RTL4: variants seen among roughly 807,000 people sequenced by gnomAD.
RTL4 encodes retrotransposon Gag like 4.
Under a neutral mutation model 5.3 loss-of-function variants are expected in RTL4, and 4 were observed. That is an observed-to-expected ratio of 0.75 (90% CI 0.37 to 1.72). The LOEUF is 1.72. Among genes scored for constraint, RTL4 ranks in the 40% most tolerant of loss-of-function variants. RTL4 has a pLI of 0.04. For synonymous variants in RTL4, 98 were observed against 87.3 expected (o/e 1.12, Z -0.68); for missense variants, 260 against 227.1 (o/e 1.14, Z -0.93).
At chrX:112,229,951 C>A in the RTL4 span, among the ~76,000 whole-genome samples, 1 of 112,467 alleles carries the variant, frequency 8.9e-6, no homozygotes, top group Non-Finnish European at 1.9e-5. Flanking sequence ...TGCGGGGTGC[C>A]TCCCAGTTAG....
chrX:112,331,389 C>CA, the RTL4 span, among the ~76,000 whole-genome samples: 2 of 106,106 alleles, frequency 1.9e-5, no homozygotes, highest in African/African-American at 6.8e-5. Flanking sequence ...TTTATGCAGC[C>CA]AAAAAACACA....
chrX:112,124,764 C>CCT, the RTL4 span, among the ~76,000 whole-genome samples: 2 of 110,629 alleles, frequency 1.8e-5, no homozygotes, highest in Admixed American at 1.9e-4. Context: ...ATGTAACAAA[C>CCT]CTGCACGTTC....
chrX:112,289,113 C>A, the RTL4 span, among the ~76,000 whole-genome samples: 1 of 111,668 alleles, frequency 9.0e-6, no homozygotes, highest in Non-Finnish European at 1.9e-5. Context: ...CAGGGGACAC[C>A]CAGTCGAATA....
At chrX:112,325,002 A>C in the RTL4 span, among the ~76,000 whole-genome samples, 1 of 111,838 alleles carries the variant, frequency 8.9e-6, no homozygotes, top group African/African-American at 3.3e-5. Flanking sequence ...TTATACACCA[A>C]TAGCAGACAA....
the RTL4 span, among the ~76,000 whole-genome samples, chrX:112,307,935 G>A: frequency 3.6e-5 from 4 of 111,782 alleles, no homozygotes; most frequent in Non-Finnish European, 7.5e-5. Flanking sequence ...AGGCAAAGTA[G>A]TAGTTGTATT....
the RTL4 span, among the ~76,000 whole-genome samples, chrX:112,331,507 A>G: frequency 9.5e-6 from 1 of 104,913 alleles, no homozygotes; most frequent in African/African-American, 3.4e-5. Context: ...GTCAGGAAAC[A>G]ACAGGTGCTG....
the RTL4 span, among the ~76,000 whole-genome samples, chrX:112,088,848 A>G: frequency 8.9e-6 from 1 of 112,095 alleles, no homozygotes; most frequent in Non-Finnish European, 1.9e-5. Flanking sequence ...TTATGCACCT[A>G]TCATATATCT....
At chrX:112,107,709 C>T in the RTL4 span, among the ~76,000 whole-genome samples, 4 of 111,558 alleles carry the variant, frequency 3.6e-5, no homozygotes, top group Non-Finnish European at 7.5e-5. Context: ...ATGTTGTTTA[C>T]TTCTTTTCTC....
the RTL4 span, among the ~76,000 whole-genome samples, chrX:112,247,051 T>A: frequency 3.9e-4 from 44 of 111,737 alleles, no homozygotes; most frequent in African/African-American, 1.4e-3. Flanking sequence ...ATTATATAAT[T>A]CAAATACATT....
At chrX:112,268,945 T>C in the RTL4 span, among the ~76,000 whole-genome samples, 2 of 112,215 alleles carry the variant, frequency 1.8e-5, no homozygotes, top group African/African-American at 6.5e-5. Context: ...TCTGGCCTTA[T>C]CCTCCCACTC....
At chrX:112,246,050 C>T in the RTL4 span, among the ~76,000 whole-genome samples, 1 of 112,326 alleles carries the variant, frequency 8.9e-6, no homozygotes, top group Non-Finnish European at 1.9e-5. Flanking sequence ...GCAAATATTG[C>T]AGAACAGCAA....
the RTL4 span, among the ~76,000 whole-genome samples, chrX:112,255,736 C>T: frequency 8.9e-6 from 1 of 111,777 alleles, no homozygotes; most frequent in East Asian, 2.8e-4. Flanking sequence ...CTTGCCTCAA[C>T]GTATTTGAAG....
At chrX:112,206,379 T>C in the RTL4 span, among the ~76,000 whole-genome samples, 1 of 111,428 alleles carries the variant, frequency 9.0e-6, no homozygotes, top group Admixed American at 9.6e-5. Flanking sequence ...CAAATCTTCC[T>C]ACCCATTGGC....
the RTL4 span, among the ~76,000 whole-genome samples, chrX:112,227,821 T>C: frequency 9.0e-6 from 1 of 111,225 alleles, no homozygotes; most frequent in Admixed American, 9.6e-5. Flanking sequence ...AACACCTGAA[T>C]GGTAGAGTAT....
the RTL4 span, among the ~76,000 whole-genome samples, chrX:112,310,412 A>T: frequency 2.8e-4 from 15 of 53,602 alleles, no homozygotes; most frequent in East Asian, 0.012. Flanking sequence ...ATATATATAT[A>T]TATTTAATAT....
chrX:112,137,264 T>C, the RTL4 span, among the ~76,000 whole-genome samples: 3 of 112,249 alleles, frequency 2.7e-5, no homozygotes, highest in Non-Finnish European at 5.6e-5. Flanking sequence ...TCAACATCAC[T>C]GATCATCAAG....
chrX:112,147,785 C>CA, the RTL4 span, among the ~76,000 whole-genome samples: 42 of 111,361 alleles, frequency 3.8e-4, no homozygotes, highest in African/African-American at 1.3e-3. Context: ...CTAAAAAATA[C>CA]AAAAAATTAG....
At chrX:112,230,578 T>C in the RTL4 span, among the ~76,000 whole-genome samples, 1 of 112,266 alleles carries the variant, frequency 8.9e-6, no homozygotes, top group East Asian at 2.8e-4. Flanking sequence ...CAGTTGGAAA[T>C]GCAGAAATCA....
chrX:112,393,520 T>C, the RTL4 span, among the ~76,000 whole-genome samples: 13 of 111,612 alleles, frequency 1.2e-4, no homozygotes, highest in Non-Finnish European at 2.1e-4. Context: ...TGGCTGGAGA[T>C]CCCAATTGGG....
Sources: allele counts gnomAD v4.1 joint callset (sites outside exome capture counted in the v4.1 genomes callset), GRCh38; gene constraint gnomAD v4.1.1; transcripts MANE v1.5; gene names NCBI Gene and HGNC (gene_info 2026-07-23, HGNC 2026-07-21).